FANCB: variants seen among roughly 807,000 people sequenced by gnomAD.
FANCB encodes the protein FA complementation group B, also known as Fanconi anemia group B protein.
In FANCB, 5 loss-of-function variants were observed where a neutral mutation model predicts 38.9. That is an observed-to-expected ratio of 0.13 (90% CI 0.07 to 0.27). FANCB has a LOEUF of 0.27. Ranked by LOEUF, FANCB falls within the 10% of genes least tolerant of loss-of-function variation. The pLI, the probability that FANCB is intolerant of heterozygous loss-of-function variation, is 1.00. For synonymous variants in FANCB, 236 were observed against 215.4 expected, an observed-to-expected ratio of 1.10 and a Z score of -0.84; for missense variants, 573 against 602.7, an observed-to-expected ratio of 0.95 and a Z score of 0.52.
chrX:14,864,754 T>C lies in FANCB; in HGVS notation c.757A>G (p.Arg253Gly). Residue 253 changes from arginine (R) to glycine (G), a missense_variant, in exon 3 of 10, where the codon AGA becomes GGA. Transcript: ENST00000650831. ...CATEIIKNQL[R>G]ISLIALTRKN... The stretch of plus-strand genomic sequence containing the variant: ...CGAGTAAGGGCAATGAGAGATATTC[T>C]TAACTGGTTTTTGATGATCTCAGTT... The C allele has an allele frequency of 3.3e-6, 4 of 1,211,469 alleles. No homozygotes were observed. Among genetic ancestry groups the C allele is most frequent in the Non-Finnish European group, 4.5e-6 (4 of 895,073 alleles).
chrX:14,859,371 G>GA (rs772510115), intron 3 of FANCB, 37 bp from the exon 4 acceptor site: 12 of 1,028,561 alleles, frequency 1.2e-5, no homozygotes, highest in Middle Eastern at 2.6e-4. Context: ...GAGTAGACAA[G>GA]AAAAAATCGA....
chrX:14,835,302 A>C (rs765250315), downstream of FANCB: 54 of 484,561 alleles, frequency 1.1e-4, 2 homozygotes, highest in South Asian at 1.2e-3. Flanking sequence ...GCTCATGTCC[A>C]TGTCCATCGA....
At chrX:14,803,797 C>A in the FANCB span, among the ~76,000 whole-genome samples, 1 of 110,844 alleles carries the variant, frequency 9.0e-6, no homozygotes, top group Non-Finnish European at 1.9e-5. Flanking sequence ...GAAAAAAACA[C>A]ACAACCCCAT....
At chrX:14,759,039 G>A in the FANCB span, among the ~76,000 whole-genome samples, 1 of 111,403 alleles carries the variant, frequency 9.0e-6, no homozygotes, top group East Asian at 2.8e-4. Context: ...CGCAACTTCT[G>A]GAAACAAAGA....
intron 5 of FANCB, among the ~76,000 whole-genome samples, chrX:14,855,581 T>C: frequency 8.9e-6 from 1 of 112,401 alleles, no homozygotes; most frequent in East Asian, 2.8e-4. Context: ...TTTCATCTCT[T>C]TAACTCTTAA....
the FANCB span, among the ~76,000 whole-genome samples, chrX:14,784,828 C>T: frequency 8.9e-6 from 1 of 112,246 alleles, no homozygotes; most frequent in Non-Finnish European, 1.9e-5. Context: ...GAATACTATG[C>T]AGCCATATAA....
downstream of FANCB, among the ~76,000 whole-genome samples, chrX:14,841,335 A>AAGAAAGAAAGG (rs1487193001): frequency 8.9e-6 from 1 of 112,341 alleles, no homozygotes; most frequent in African/African-American, 3.2e-5. Context: ...AAAAAGGAAA[A>AAGAAAGAAAGG]AGAAAGAAAG....
At chrX:14,769,337 A>G in the FANCB span, among the ~76,000 whole-genome samples, 54 of 111,386 alleles carry the variant, frequency 4.8e-4, no homozygotes, top group Non-Finnish European at 7.3e-4. Flanking sequence ...CCTCAATTTC[A>G]GAACTCGTTA....
At chrX:14,758,992 A>G in the FANCB span, among the ~76,000 whole-genome samples, 1 of 111,668 alleles carries the variant, frequency 9.0e-6, no homozygotes, top group African/African-American at 3.3e-5. Flanking sequence ...ATATGAAGGG[A>G]AAAATCTTCA....
chrX:14,692,250 A>G, the FANCB span, among the ~76,000 whole-genome samples: 1 of 112,356 alleles, frequency 8.9e-6, no homozygotes, highest in Non-Finnish European at 1.9e-5. Context: ...GCTGTACATT[A>G]CCTTTTAATG....
chrX:14,849,498 G>C (rs2092391826), intron 7 of FANCB, among the ~76,000 whole-genome samples: 1 of 111,935 alleles, frequency 8.9e-6, no homozygotes, highest in African/African-American at 3.2e-5. Context: ...ATTCAATGTA[G>C]TTACTGTAAT....
Position 14,843,752 on chromosome X carries a change from C to G in FANCB, c.2395G>C (p.Ala799Pro). 1 of 1,211,115 alleles carries G rather than the reference C, an allele frequency of 8.3e-7. No individual in the cohort carries two copies. Among genetic ancestry groups the G allele is most frequent in the Non-Finnish European group, 1.1e-6 (1 of 895,239 alleles). ...EVSKGKSSVV[A>P]AALSDRRENI... ...TCCCTTCTGTCTGATAAAGCAGCCG[C>G]GACGACACTACTCTTTCCTTTGCTC... Residue 799 changes from alanine (A) to proline (P), a missense_variant, in exon 10 of 10, where the codon GCG (alanine) becomes CCG (proline). Coordinates refer to ENST00000650831, the MANE Select transcript of FANCB (RefSeq NM_001018113.3).
chrX:14,802,813 A>G, the FANCB span, among the ~76,000 whole-genome samples: 1 of 112,096 alleles, frequency 8.9e-6, no homozygotes, highest in African/African-American at 3.2e-5. Flanking sequence ...ACATATGAGG[A>G]CAGATGAGTT....
At chrX:14,736,609 A>C in the FANCB span, among the ~76,000 whole-genome samples, 2 of 109,667 alleles carry the variant, frequency 1.8e-5, no homozygotes, top group Non-Finnish European at 3.8e-5. Flanking sequence ...CGGGTACCTC[A>C]GTTGAAAATG....
intron 2 of FANCB, 104 bp from the exon 3 acceptor site, chrX:14,865,684 G>C: frequency 2.5e-6 from 1 of 394,856 alleles, no homozygotes; most frequent in Non-Finnish European, 4.4e-6. Context: ...ATTTTATTAA[G>C]TAAACATTTT....
At chrX:14,820,806 A>T in the FANCB span, among the ~76,000 whole-genome samples, 9 of 111,877 alleles carry the variant, frequency 8.0e-5, no homozygotes, top group South Asian at 3.3e-3. Context: ...TATTATAGTT[A>T]TAGATGTTAA....
chrX:14,871,794 T>G (rs1482559738), intron 1 of FANCB, among the ~76,000 whole-genome samples: 1 of 108,060 alleles, frequency 9.3e-6, no homozygotes, highest in East Asian at 2.8e-4. Context: ...AGTCCCTGAG[T>G]GCTTTCTCAA....
At chrX:14,763,752 CAGA>C in the FANCB span, among the ~76,000 whole-genome samples, 1 of 111,819 alleles carries the variant, frequency 8.9e-6, no homozygotes, top group African/African-American at 3.2e-5. Flanking sequence ...CAGTTTCTTC[CAGA>C]AGTTCTTTTC....
At chrX:14,764,378 G>A in the FANCB span, among the ~76,000 whole-genome samples, 3 of 111,430 alleles carry the variant, frequency 2.7e-5, no homozygotes, top group South Asian at 3.7e-4. Flanking sequence ...TCTCAACATG[G>A]TAGCTTCTTC....
Sources: gnomAD v4.1 joint callset for allele counts (sites outside exome capture counted in the v4.1 genomes callset) on GRCh38, gnomAD v4.1.1 for gene constraint, MANE v1.5 for transcripts, NCBI Gene and HGNC (gene_info 2026-07-23, HGNC 2026-07-21) for gene names.